The following ANKFY1 variants were observed in gnomAD, a reference collection of about 807,000 sequenced individuals.
The protein encoded by ANKFY1 is ankyrin repeat and FYVE domain-containing protein 1.
Under a neutral mutation model 128.3 loss-of-function variants are expected in ANKFY1, and 47 were observed. The observed-to-expected ratio is 0.37, with a 90% CI of 0.29 to 0.47. The LOEUF is 0.47. Among genes scored for constraint, ANKFY1 ranks in the 20% least tolerant of loss-of-function variants. The pLI, the probability that ANKFY1 is intolerant of heterozygous loss-of-function variation, is 1.00. For synonymous variants in ANKFY1, 553 were observed against 601.6 expected, an observed-to-expected ratio of 0.92 and a Z score of 1.18; for missense variants, 1,222 against 1,510.6, an observed-to-expected ratio of 0.81 and a Z score of 3.17.
rs750546498 is a variant in ANKFY1, at chr17:4,163,891, G to A, written c.*3888C>T. 6.6e-6 allele frequency: 1 copy of A among 152,598 alleles called. No individual in the cohort carries two copies. The highest frequency in any genetic ancestry group is 2.4e-5 in the African/African-American group (1 of 41,430). The allele number at this position is 152,598 out of a possible 1,614,324, so 9.5% of individuals were successfully genotyped here. A position where few individuals can be genotyped will look rare whatever the true frequency, so the allele number is the denominator to read the frequency against. ...AAGTAACTACAAATGTCTTATTAAA[G>A]TTTCCACTTTAAATGCACAATTTTA... On this transcript the variant is annotated 3_prime_UTR_variant, in exon 25 of 25. Coordinates refer to ENST00000341657, the MANE Select transcript of ANKFY1 (RefSeq NM_001330063.2).
At chr17:4,174,890 T>G (rs993259332) in intron 19 of ANKFY1, among the ~76,000 whole-genome samples, 6 of 151,722 alleles carry the variant, frequency 4.0e-5, no homozygotes, top group African/African-American at 1.5e-4. Flanking sequence ...ACCTGGCTAA[T>G]TAAAAAAAAG....
At chr17:4,257,748 G>C (rs1247104441) in intron 1 of ANKFY1, among the ~76,000 whole-genome samples, 3 of 152,152 alleles carry the variant, frequency 2.0e-5, no homozygotes, top group Admixed American at 6.6e-5. Flanking sequence ...AACTCCCTGT[G>C]AATAAGCTTT....
rs1212497333 is a variant in ANKFY1, at chr17:4,164,043, C to G, written c.*3736G>C. Reference sequence around the variant, plus strand: ...CGTGGTCCTCTATGATACCATCACCCCACACTGAGCACCACCCCGAAGGGG... The same window carrying G: ...CGTGGTCCTCTATGATACCATCACCGCACACTGAGCACCACCCCGAAGGGG... On this transcript the variant is annotated 3_prime_UTR_variant, in exon 25 of 25. Coordinates refer to ENST00000341657, the MANE Select transcript of ANKFY1 (RefSeq NM_001330063.2). 1.3e-5 allele frequency: 2 copies of G among 152,672 alleles called. No individual in the cohort carries two copies. Among genetic ancestry groups the G allele is most frequent in the Non-Finnish European group, 2.9e-5 (2 of 68,056 alleles). The allele number at this position is 152,672 out of a possible 1,614,324, so 9.5% of individuals were successfully genotyped here. A position where few individuals can be genotyped will look rare whatever the true frequency, so the allele number is the denominator to read the frequency against.
chr17:4,179,604 G>A lies in ANKFY1; in HGVS notation c.2397+117C>T, dbSNP rs1033162571. 2.5e-4 allele frequency: 329 copies of A among 1,338,144 alleles called. 3 individuals carry two copies. The highest frequency in any genetic ancestry group is 2.6e-5 in the Non-Finnish European group (26 of 983,186). The allele number at this position is 1,338,144 out of a possible 1,614,324, so 82.9% of individuals were successfully genotyped here. A position where few individuals can be genotyped will look rare whatever the true frequency, so the allele number is the denominator to read the frequency against. ...TCATGAACGCTGCTAGGGAGGTCGTGTGTTCATGAAGCAGCAGCGCCTGGA... is the reference window on the plus strand; with the variant it reads ...TCATGAACGCTGCTAGGGAGGTCGTATGTTCATGAAGCAGCAGCGCCTGGA... On this transcript the variant is annotated intron_variant, in intron 17 of 24. Coordinates refer to ENST00000341657, the MANE Select transcript of ANKFY1 (RefSeq NM_001330063.2).
rs550847196 is a variant in ANKFY1, at chr17:4,183,328, C to T, written c.1952+70G>A. 38 of 1,560,032 alleles carry T rather than the reference C, an allele frequency of 2.4e-5. No individual in the cohort carries two copies. In the East Asian group the frequency reaches 5.4e-4, roughly 22 times the overall value. ...TGAAACAAAAACACTTTTCTACAAGCGAGGCTATGCTTTTGACATCTCAAT... is the reference window on the plus strand; with the variant it reads ...TGAAACAAAAACACTTTTCTACAAGTGAGGCTATGCTTTTGACATCTCAAT... On this transcript the variant is annotated intron_variant, in intron 14 of 24. Transcript: ENST00000341657.
At position 4,254,303 on chromosome 17, in the gene ANKFY1, C is replaced by CAAAAAAA. The variant is rs572606909; in HGVS notation, c.10+9622_10+9628dup. On this transcript the variant is annotated intron_variant, in intron 1 of 24. Transcript: ENST00000341657. Reference sequence around the variant, plus strand: ...TGGACCACAGAGTGAGACTCCATCTCAAAAAAAAAAAAAAAAAAAAAAAAA... The same window carrying CAAAAAAA: ...TGGACCACAGAGTGAGACTCCATCTCAAAAAAAAAAAAAAAAAAAAAAAAAAAAAAAA... 1.8e-4 allele frequency among the ~76,000 whole-genome samples: 15 copies of CAAAAAAA among 81,928 alleles called. 1 individual carries two copies. The highest frequency in any genetic ancestry group is 9.2e-4 in the African/African-American group (14 of 15,282). 53.7% of individuals were successfully genotyped at this position (81,928 alleles called of 152,430 possible).
chr17:4,261,254 C>A (rs1261027580), intron 1 of ANKFY1, among the ~76,000 whole-genome samples: 1 of 152,184 alleles, frequency 6.6e-6, no homozygotes, highest in East Asian at 1.9e-4. Context: ...TTTGGGAGGC[C>A]GAGGCCGGCA....
At chr17:4,186,986 T>C in intron 11 of ANKFY1, 1 of 1,208,946 alleles carries the variant, frequency 8.3e-7, no homozygotes, top group Non-Finnish European at 1.0e-6. Flanking sequence ...TTCCATGGGT[T>C]CGCCGCAACT....
intron 3 of ANKFY1, among the ~76,000 whole-genome samples, chr17:4,219,022 C>T (rs1337484320): frequency 6.6e-6 from 1 of 152,158 alleles, no homozygotes. Flanking sequence ...GTGTCTGTCT[C>T]TCAAGAGATT....
chr17:4,196,635 C>A (rs1349616813), intron 8 of ANKFY1, among the ~76,000 whole-genome samples: 1 of 152,166 alleles, frequency 6.6e-6, no homozygotes, highest in Non-Finnish European at 1.5e-5. Flanking sequence ...GCAAGCTGTG[C>A]AGATAAAGTG....
At chr17:4,229,854 T>A (rs976152058) in intron 3 of ANKFY1, among the ~76,000 whole-genome samples, 2 of 152,184 alleles carry the variant, frequency 1.3e-5, no homozygotes, top group Non-Finnish European at 2.9e-5. Flanking sequence ...GATGAAGCCA[T>A]CTCTCAAGTC....
chr17:4,195,081 G>T lies in ANKFY1; in HGVS notation c.1269C>A (p.Phe423Leu). Residue 423 changes from phenylalanine to leucine, a missense_variant, in exon 10 of 25, where the codon TTC becomes TTA. Physicochemically the swap from Phe to Leu is conservative, Grantham distance 22. Coordinates refer to ENST00000341657, the MANE Select transcript of ANKFY1 (RefSeq NM_001330063.2). ...TVSSDQSVNP[F>L]EDVPVVNGTS... ...TCCCATTTACCACGGGGACATCTTC[G>T]AAGGGGTTCACAGACTGGTCAGAAG... is the stretch of plus-strand genomic sequence containing the variant. 1.2e-6 allele frequency: 2 copies of T among 1,614,184 alleles called. No homozygotes were observed. The highest frequency in any genetic ancestry group is 1.7e-6 in the Non-Finnish European group (2 of 1,180,046).
At chr17:4,222,967 T>C in intron 3 of ANKFY1, 4 of 1,208,544 alleles carry the variant, frequency 3.3e-6, no homozygotes, top group Non-Finnish European at 3.7e-6. Flanking sequence ...AGTGTCACTC[T>C]TTTGGAGGCC....
At chr17:4,172,336 T>G (rs916099612) in intron 22 of ANKFY1, among the ~76,000 whole-genome samples, 1 of 152,172 alleles carries the variant, frequency 6.6e-6, no homozygotes, top group Non-Finnish European at 1.5e-5. Flanking sequence ...GAGAAGGGTA[T>G]GGATGGTTTC....
At chr17:4,195,340 G>T in intron 9 of ANKFY1, 63 bp downstream of exon 9, 2 of 1,539,050 alleles carry the variant, frequency 1.3e-6, no homozygotes, top group East Asian at 2.2e-5. Flanking sequence ...TAAAAAGAAT[G>T]ATTTTTCACT....
At chr17:4,233,806 C>CA (rs976341524) in intron 3 of ANKFY1, among the ~76,000 whole-genome samples, 3 of 152,316 alleles carry the variant, frequency 2.0e-5, no homozygotes, top group African/African-American at 7.2e-5. Flanking sequence ...CTCCGTATGG[C>CA]AGGGACTGTG....
Position 4,184,968 on chromosome 17 carries a change from G to A in ANKFY1, c.1549C>T (p.Pro517Ser). The A allele has an allele frequency of 6.2e-7, 1 of 1,614,042 alleles. No individual in the cohort carries two copies. The highest frequency in any genetic ancestry group is 1.3e-5 in the African/African-American group (1 of 75,070). The change falls in exon 12 of 25, where the codon CCA becomes TCA. Residue 517 changes from proline (P) to serine (S), a missense_variant. Coordinates refer to ENST00000341657, the MANE Select transcript of ANKFY1 (RefSeq NM_001330063.2). Reference protein sequence around the residue: ...TAELLQQGANPNLQTEEALPL... With the variant: ...TAELLQQGANSNLQTEEALPL... ...AGAGCTTCCTCCGTCTGCAGGTTTG[G>A]GTTGGCGCCTTGCTGCAGGAGCTCT... is the stretch of plus-strand genomic sequence containing the variant.
chr17:4,250,145 T>C (rs936066817), intron 1 of ANKFY1, among the ~76,000 whole-genome samples: 1 of 152,184 alleles, frequency 6.6e-6, no homozygotes, highest in African/African-American at 2.4e-5. Context: ...GGTGCAGACC[T>C]ACATCTGAAC....
intron 1 of ANKFY1, among the ~76,000 whole-genome samples, chr17:4,255,491 C>T (rs1448284550): frequency 6.6e-6 from 1 of 152,084 alleles, no homozygotes; most frequent in East Asian, 1.9e-4. Context: ...CTGAGGTGAT[C>T]CCCTGGCCTC....
Sources: allele counts gnomAD v4.1 joint callset (sites outside exome capture counted in the v4.1 genomes callset), GRCh38; gene constraint gnomAD v4.1.1; transcripts MANE v1.5; gene names NCBI Gene and HGNC (gene_info 2026-07-23, HGNC 2026-07-21).